The following IL1R1 variants were observed in gnomAD, a reference collection of about 807,000 sequenced individuals.
IL1R1 encodes the protein interleukin 1 receptor type 1.
In IL1R1, 22 loss-of-function variants were observed where a neutral mutation model predicts 50.2. That is an observed-to-expected ratio of 0.44 (90% CI 0.31 to 0.63). The LOEUF is 0.63. Among genes scored for constraint, IL1R1 ranks in the 20% least tolerant of loss-of-function variants. IL1R1 has a pLI of 0.07. For synonymous variants in IL1R1, 251 were observed against 236.7 expected (o/e 1.06, Z -0.55); for missense variants, 509 against 676.2 (o/e 0.75, Z 2.74).
At chr2:102,078,729 C>T (rs143775010) in intron 1 of IL1R1, among the ~76,000 whole-genome samples, 2,487 of 152,138 alleles carry the variant, frequency 0.016, 221 homozygotes, top group Admixed American at 0.14. Flanking sequence ...GGGACACTTG[C>T]GAATTCATCC....
Position 102,150,897 on chromosome 2 carries a change from A to C in IL1R1, c.-83-3044A>C, listed in dbSNP as rs544220053. Among the ~76,000 whole-genome samples, 4 of 152,288 alleles carry C rather than the reference A, an allele frequency of 2.6e-5. No homozygotes were observed. In the East Asian group the frequency reaches 7.7e-4, roughly 29 times the overall value. ...GGCTGAACAGGGGGAACCGTATGCTATGGCTTATTAATGTATTGAGTAAGT... is the reference window on the plus strand; with the variant it reads ...GGCTGAACAGGGGGAACCGTATGCTCTGGCTTATTAATGTATTGAGTAAGT... On this transcript the variant is annotated intron_variant, in intron 1 of 11. Transcript: ENST00000410023.
chr2:102,172,654 T>C (rs374923681), intron 8 of IL1R1, 33 bp from the exon 9 acceptor site: 29 of 1,556,372 alleles, frequency 1.9e-5, no homozygotes, highest in Non-Finnish European at 5.2e-6. Flanking sequence ...GCAATTAACT[T>C]ACACAAGTTT....
intron 1 of IL1R1, among the ~76,000 whole-genome samples, chr2:102,152,362 G>A (rs1024404873): frequency 2.6e-5 from 4 of 151,212 alleles, no homozygotes; most frequent in Non-Finnish European, 3.0e-5. Flanking sequence ...AAAATTAGCC[G>A]GGCGTGGTGG....
upstream of IL1R1, among the ~76,000 whole-genome samples, chr2:102,138,727 C>T (rs537692152): frequency 7.9e-5 from 12 of 152,310 alleles, no homozygotes; most frequent in South Asian, 2.5e-3. Flanking sequence ...CGATAAAAAA[C>T]CTAGGCTGTA....
chr2:102,172,799 C>A lies in IL1R1; in HGVS notation c.952C>A (p.His318Asn). 6.2e-7 allele frequency: 1 copy of A among 1,611,040 alleles called. No homozygotes were observed. Among genetic ancestry groups the A allele is most frequent in the South Asian group, 1.1e-5 (1 of 90,974 alleles). The change falls in exon 9 of 12, where the codon CAT becomes AAT. Residue 318 changes from histidine to asparagine, a missense_variant. Coordinates refer to ENST00000410023, the MANE Select transcript of IL1R1 (RefSeq NM_000877.4). ...HPFTCFAKNTHGIDAAYIQLI... is the reference protein window; with the variant it reads ...HPFTCFAKNTNGIDAAYIQLI... Reference sequence around the variant, plus strand: ...ATTTACCTGTTTTGCCAAGAATACACATGGTATAGATGCAGCATATATCCA... The same window carrying A: ...ATTTACCTGTTTTGCCAAGAATACAAATGGTATAGATGCAGCATATATCCA...
chr2:102,122,596 C>T (rs962669958), intron 1 of IL1R1, among the ~76,000 whole-genome samples: 6 of 152,050 alleles, frequency 3.9e-5, no homozygotes, highest in South Asian at 2.1e-4. Flanking sequence ...TTTGTTCAAG[C>T]GAAAAATTGT....
In IL1R1 at chr2:102,172,710, G is replaced by T. The variant is rs1321174651; in HGVS notation, c.863G>T (p.Arg288Ile). 2 of 1,604,076 alleles carry T rather than the reference G, an allele frequency of 1.2e-6. No homozygotes were observed. The highest frequency in any genetic ancestry group is 2.2e-5 in the South Asian group (2 of 89,814). The change falls in exon 9 of 12, where the codon AGA becomes ATA. Residue 288 changes from arginine (R) to isoleucine (I), a missense_variant. Arg to Ile is a moderately conservative substitution (Grantham distance 97). Transcript: ENST00000410023. ...AGTGTGGAAAATCCTGCAAACAAAA[G>T]AAGGAGTACCCTCATCACAGTGCTT... ...YYSVENPANK[R>I]RSTLITVLNI...
At position 102,165,813 on chromosome 2, in the gene IL1R1, G is replaced by A. The variant is rs544592455; in HGVS notation, c.487-300G>A. Among the ~76,000 whole-genome samples the A allele has an allele frequency of 2.0e-3, 308 of 152,236 alleles. 1 individual carries two copies. Among genetic ancestry groups the A allele is most frequent in the Non-Finnish European group, 2.4e-3 (160 of 68,018 alleles). ...ACTAAATACGTAATATCAATGAAGT[G>A]CAGTATTGTTAAGAAACTATATAGT... is the stretch of plus-strand genomic sequence containing the variant. On this transcript the variant is annotated intron_variant, in intron 5 of 11. Coordinates refer to ENST00000410023, the MANE Select transcript of IL1R1 (RefSeq NM_000877.4).
chr2:102,137,742 T>C (rs1360573738), intron 1 of IL1R1, among the ~76,000 whole-genome samples: 1 of 152,180 alleles, frequency 6.6e-6, no homozygotes, highest in East Asian at 1.9e-4. Flanking sequence ...AGGAGGAAAA[T>C]TAGACTTTAC....
chr2:102,175,970 A>C (rs1686097398), intron 11 of IL1R1: 1 of 477,260 alleles, frequency 2.1e-6, no homozygotes, highest in Non-Finnish European at 3.7e-6. Flanking sequence ...ATTCCAACAA[A>C]GTTTTCTGAG....
intron 1 of IL1R1, among the ~76,000 whole-genome samples, chr2:102,092,724 G>A (rs917319868): frequency 6.6e-6 from 1 of 152,160 alleles, no homozygotes; most frequent in Non-Finnish European, 1.5e-5. Flanking sequence ...TGCTGAAAAG[G>A]TCTGGAATTT....
At chr2:102,092,905 T>C (rs763749643) in intron 1 of IL1R1, among the ~76,000 whole-genome samples, 2 of 152,164 alleles carry the variant, frequency 1.3e-5, no homozygotes, top group Non-Finnish European at 2.9e-5. Context: ...GAATGAAATT[T>C]CGCCAAGATG....
rs146677396 is a variant in IL1R1 at position 102,124,425 on chromosome 2, C to A, written c.-84+19553C>A. Among the ~76,000 whole-genome samples, 776 of 147,854 alleles carry A rather than the reference C, an allele frequency of 5.2e-3. 6 individuals are homozygous for A. The highest frequency in any genetic ancestry group is 0.019 in the African/African-American group (747 of 40,262). On this transcript the variant is annotated intron_variant, in intron 1 of 10. Transcript: ENST00000409329. ...ACAGAGCAAGACTCCATCTCCCCCC[C>A]ACCACTGCCCCCCCAAAAAAGAAAT...
intron 1 of IL1R1, among the ~76,000 whole-genome samples, chr2:102,091,698 C>G (rs565041051): frequency 6.6e-6 from 1 of 152,286 alleles, no homozygotes; most frequent in Non-Finnish European, 1.5e-5. Context: ...GTCACCCTAC[C>G]TTGCTCTCCA....
At chr2:102,146,721 T>A (rs1046749006) in intron 1 of IL1R1, among the ~76,000 whole-genome samples, 1 of 152,244 alleles carries the variant, frequency 6.6e-6, no homozygotes, top group Non-Finnish European at 1.5e-5. Flanking sequence ...GTTGGGGGGC[T>A]AGGCTTCAAA....
chr2:102,120,641 A>T (rs895331326), intron 1 of IL1R1, among the ~76,000 whole-genome samples: 1 of 152,240 alleles, frequency 6.6e-6, no homozygotes, highest in Non-Finnish European at 1.5e-5. Flanking sequence ...CAGGTATTGT[A>T]TAATGAAACA....
intron 1 of IL1R1, among the ~76,000 whole-genome samples, chr2:102,148,088 C>T (rs1283671614): frequency 6.6e-6 from 1 of 152,090 alleles, no homozygotes; most frequent in African/African-American, 2.4e-5. Flanking sequence ...AGCTGTTTCT[C>T]TGGGGGAAAA....
chr2:102,086,408 A>T (rs1344836505), intron 1 of IL1R1, among the ~76,000 whole-genome samples: 1 of 152,026 alleles, frequency 6.6e-6, no homozygotes, highest in Non-Finnish European at 1.5e-5. Flanking sequence ...TTTGCTTATG[A>T]TGTGCTTTCT....
In IL1R1 at chr2:102,176,515, A is replaced by T. The variant is rs1686149985; in HGVS notation, c.1466A>T (p.Glu489Val). ...GATGGAATTAAAGTTGTCCTGCTTG[A>T]GCTGGAGAAAATCCAAGACTATGAG... ...VQDGIKVVLL[E>V]LEKIQDYEKM... The change falls in exon 12 of 12, where the codon GAG (glutamate) becomes GTG (valine). Residue 489 changes from glutamate (E) to valine (V), a missense_variant. Glu to Val is a moderately radical substitution (Grantham distance 121). Transcript: ENST00000410023. 1 of 1,614,090 alleles carries T rather than the reference A, an allele frequency of 6.2e-7. No homozygotes were observed. Among genetic ancestry groups the T allele is most frequent in the Admixed American group, 1.7e-5 (1 of 60,006 alleles).
Sources: gnomAD v4.1 joint callset for allele counts (sites outside exome capture counted in the v4.1 genomes callset) on GRCh38, gnomAD v4.1.1 for gene constraint, MANE v1.5 for transcripts, NCBI Gene and HGNC (gene_info 2026-07-23, HGNC 2026-07-21) for gene names.